KCNIP4: variants seen among roughly 807,000 people sequenced by gnomAD.
The protein encoded by KCNIP4 is Kv channel-interacting protein 4.
A neutral mutation model predicts 34.0 loss-of-function variants in KCNIP4; 12 were observed. The observed-to-expected ratio is 0.35, with a 90% CI of 0.23 to 0.57. The LOEUF (loss-of-function observed/expected upper bound fraction) is 0.57, where lower values mean the gene tolerates loss of function less well. KCNIP4 is among the 20% of genes least tolerant of loss of function. The pLI, the probability that KCNIP4 is intolerant of heterozygous loss-of-function variation, is 0.83. For missense variants in KCNIP4, 238 were observed against 311.7 expected, an observed-to-expected ratio of 0.76 and a Z score of 1.78; for synonymous variants, 124 against 102.2, an observed-to-expected ratio of 1.21 and a Z score of -1.29.
intron 1 of KCNIP4, among the ~76,000 whole-genome samples, chr4:20,897,069 C>A (rs1283403413): frequency 6.6e-6 from 1 of 152,044 alleles, no homozygotes; most frequent in Middle Eastern, 3.2e-3. Flanking sequence ...AGGTAAATAT[C>A]AGTTGAGGCT....
intron 1 of KCNIP4, among the ~76,000 whole-genome samples, chr4:21,248,628 G>A (rs1026959553): frequency 6.6e-6 from 1 of 151,960 alleles, no homozygotes; most frequent in African/African-American, 2.4e-5. Flanking sequence ...TGACCTACTG[G>A]GATTAATTTA....
intron 1 of KCNIP4, among the ~76,000 whole-genome samples, chr4:20,895,438 T>C (rs1726409188): frequency 6.6e-6 from 1 of 152,180 alleles, no homozygotes; most frequent in Non-Finnish European, 1.5e-5. Flanking sequence ...GGGCTAATAA[T>C]AGATGACACT....
chr4:21,189,285 G>A (rs1172805791), intron 1 of KCNIP4, among the ~76,000 whole-genome samples: 2 of 152,148 alleles, frequency 1.3e-5, no homozygotes, highest in Non-Finnish European at 2.9e-5. Flanking sequence ...TTGTCTCCCA[G>A]TTTCCCATCT....
chr4:21,359,009 A>G (rs893132527), intron 1 of KCNIP4, among the ~76,000 whole-genome samples: 3 of 152,018 alleles, frequency 2.0e-5, no homozygotes, highest in African/African-American at 7.2e-5. Context: ...CCTTGGGCAC[A>G]TGTCATTAGG....
At chr4:20,905,676 TAA>T (rs1727682153) in intron 1 of KCNIP4, among the ~76,000 whole-genome samples, 1 of 151,434 alleles carries the variant, frequency 6.6e-6, no homozygotes, top group Non-Finnish European at 1.5e-5. Flanking sequence ...AACGCCTGGC[TAA>T]GTTTTGAAAT....
At chr4:21,812,200 T>G (rs919708793) in intron 1 of KCNIP4, among the ~76,000 whole-genome samples, 1 of 152,232 alleles carries the variant, frequency 6.6e-6, no homozygotes, top group African/African-American at 2.4e-5. Context: ...TACTTAATTT[T>G]TTCCCTTAAG....
intron 1 of KCNIP4, among the ~76,000 whole-genome samples, chr4:21,274,567 G>A (rs148668138): frequency 6.7e-4 from 102 of 152,104 alleles, no homozygotes; most frequent in Non-Finnish European, 1.1e-3. Context: ...CAATTACTAC[G>A]GACTCCTAAA....
At chr4:21,621,022 G>T (rs538338000) in intron 1 of KCNIP4, among the ~76,000 whole-genome samples, 2 of 152,172 alleles carry the variant, frequency 1.3e-5, no homozygotes, top group South Asian at 4.1e-4. Flanking sequence ...GATATCTCAG[G>T]CTCCGTACAG....
chr4:21,932,636 G>T (rs1260097150), intron 1 of KCNIP4, among the ~76,000 whole-genome samples: 1 of 151,972 alleles, frequency 6.6e-6, no homozygotes, highest in Non-Finnish European at 1.5e-5. Context: ...TGTTCTGACA[G>T]AAATCAAAAC....
At chr4:21,934,997 T>G (rs1056843418) in intron 1 of KCNIP4, among the ~76,000 whole-genome samples, 5 of 152,116 alleles carry the variant, frequency 3.3e-5, no homozygotes, top group African/African-American at 1.2e-4. Context: ...AATTTCTTTC[T>G]TCTGTCCTCT....
intron 1 of KCNIP4, among the ~76,000 whole-genome samples, chr4:21,271,316 C>T (rs939793050): frequency 5.3e-5 from 8 of 152,114 alleles, no homozygotes; most frequent in African/African-American, 1.9e-4. Flanking sequence ...GGAATGGAGA[C>T]AATCAGGTAG....
At chr4:21,193,738 A>AT (rs1156613818) in intron 1 of KCNIP4, among the ~76,000 whole-genome samples, 21 of 151,784 alleles carry the variant, frequency 1.4e-4, no homozygotes, top group East Asian at 3.9e-4. Flanking sequence ...CGCCCGGCTA[A>AT]TTTTTTGTAT....
intron 2 of KCNIP4, among the ~76,000 whole-genome samples, chr4:20,874,244 G>T (rs1340722096): frequency 6.6e-6 from 1 of 152,180 alleles, no homozygotes; most frequent in Non-Finnish European, 1.5e-5. Context: ...GTTAGTCACA[G>T]AATGAGGATT....
At chr4:21,058,135 T>G (rs1400245896) in intron 1 of KCNIP4, among the ~76,000 whole-genome samples, 1 of 152,138 alleles carries the variant, frequency 6.6e-6, no homozygotes, top group Non-Finnish European at 1.5e-5. Flanking sequence ...TCTAGATATT[T>G]TGGGTTTCTT....
intron 1 of KCNIP4, among the ~76,000 whole-genome samples, chr4:21,461,860 T>C (rs1459561544): frequency 1.3e-5 from 2 of 152,080 alleles, no homozygotes; most frequent in Non-Finnish European, 2.9e-5. Context: ...CACGACTTTC[T>C]GGTAATCTTA....
intron 1 of KCNIP4, among the ~76,000 whole-genome samples, chr4:21,296,982 A>T (rs966502457): frequency 4.0e-5 from 6 of 151,646 alleles, no homozygotes; most frequent in Non-Finnish European, 7.4e-5. Flanking sequence ...GTATATATTT[A>T]TATATGTATG....
intron 1 of KCNIP4, among the ~76,000 whole-genome samples, chr4:21,101,589 G>A (rs1747945222): frequency 6.6e-6 from 1 of 152,138 alleles, no homozygotes; most frequent in African/African-American, 2.4e-5. Flanking sequence ...TGGTTGCATA[G>A]TGGTGGAGAG....
intron 1 of KCNIP4, among the ~76,000 whole-genome samples, chr4:21,239,416 A>G (rs894622412): frequency 5.9e-5 from 9 of 151,670 alleles, no homozygotes; most frequent in Non-Finnish European, 1.0e-4. Flanking sequence ...AGCAAAAGAA[A>G]CTACCATCAG....
intron 1 of KCNIP4, among the ~76,000 whole-genome samples, chr4:21,154,349 A>T (rs1311538632): frequency 6.6e-6 from 1 of 152,196 alleles, no homozygotes; most frequent in East Asian, 1.9e-4. Context: ...TAAAAACTAA[A>T]TCCCCCACAG....
Sources: allele counts gnomAD v4.1 joint callset (sites outside exome capture counted in the v4.1 genomes callset), GRCh38; gene constraint gnomAD v4.1.1; transcripts MANE v1.5; gene names NCBI Gene and HGNC (gene_info 2026-07-23, HGNC 2026-07-21).